PDCD6IP: variants seen among roughly 807,000 people sequenced by gnomAD.
PDCD6IP encodes the protein programmed cell death 6-interacting protein.
In PDCD6IP, 43 loss-of-function variants were observed where a neutral mutation model predicts 103.7. That is an observed-to-expected ratio of 0.41 (90% CI 0.32 to 0.53). PDCD6IP has a LOEUF of 0.53. PDCD6IP is among the 20% of genes least tolerant of loss of function. The pLI is 0.16. For synonymous variants in PDCD6IP, 354 were observed against 378.7 expected (o/e 0.93, Z 0.76); for missense variants, 871 against 1,036.7 (o/e 0.84, Z 2.20).
intron 1 of PDCD6IP, among the ~76,000 whole-genome samples, chr3:33,809,094 G>A (rs1030085996): frequency 3.3e-5 from 5 of 152,034 alleles, no homozygotes; most frequent in Non-Finnish European, 2.9e-5. Context: ...TATTTAAAAC[G>A]ACAACCTTCT....
intron 3 of PDCD6IP, among the ~76,000 whole-genome samples, chr3:33,816,529 G>C (rs1014437668): frequency 8.8e-6 from 1 of 113,492 alleles, no homozygotes; most frequent in Non-Finnish European, 1.8e-5. Flanking sequence ...AAAAAAAAAA[G>C]AAAATATCTC....
intron 12 of PDCD6IP, among the ~76,000 whole-genome samples, chr3:33,847,832 A>T (rs754088124): frequency 9.2e-5 from 14 of 152,306 alleles, no homozygotes; most frequent in Middle Eastern, 3.4e-3. Context: ...CCTGAAGTCC[A>T]GTCTATGGTT....
intron 3 of PDCD6IP, among the ~76,000 whole-genome samples, chr3:33,819,233 C>A (rs907921947): frequency 6.6e-5 from 10 of 151,862 alleles, no homozygotes; most frequent in Non-Finnish European, 2.9e-5. Context: ...CCTTCCTCCG[C>A]CCTTAAAACT....
At chr3:33,823,891 T>G (rs1161236369) in intron 4 of PDCD6IP, among the ~76,000 whole-genome samples, 1 of 152,242 alleles carries the variant, frequency 6.6e-6, no homozygotes, top group African/African-American at 2.4e-5. Flanking sequence ...AAGGTCATTC[T>G]GAATTATGAA....
chr3:33,851,538 C>CA (rs1180688424), intron 12 of PDCD6IP, among the ~76,000 whole-genome samples: 2 of 152,102 alleles, frequency 1.3e-5, no homozygotes, highest in African/African-American at 4.8e-5. Flanking sequence ...GTGGCATGAT[C>CA]ATGGCTCACT....
intron 1 of PDCD6IP, 166 bp downstream of exon 1, chr3:33,799,103 C>G: frequency 1.5e-6 from 1 of 682,780 alleles, no homozygotes; most frequent in Non-Finnish European, 2.4e-6. Flanking sequence ...GAGCAGGACC[C>G]GCCCTGCAGG....
intron 12 of PDCD6IP, among the ~76,000 whole-genome samples, chr3:33,849,654 A>G (rs1029229559): frequency 2.6e-5 from 4 of 152,220 alleles, no homozygotes; most frequent in Non-Finnish European, 5.9e-5. Context: ...TTATTTATAT[A>G]CTTTGATAAC....
Position 33,866,635 on chromosome 3 carries a change from C to A in PDCD6IP, c.*110C>A. 2.5e-6 allele frequency: 2 copies of A among 806,216 alleles called. No individual in the cohort carries two copies. The highest frequency in any genetic ancestry group is 3.7e-6 in the Non-Finnish European group (2 of 543,626). 49.9% of individuals were successfully genotyped at this position (806,216 alleles called of 1,614,324 possible). A position where few individuals can be genotyped will look rare whatever the true frequency, so the allele number is the denominator to read the frequency against. Reference sequence around the variant, plus strand: ...GGTTAATGTAATGTACTCTCCTGGACTGAATGCAGTGTATAATTTCTGTCT... The same window carrying A: ...GGTTAATGTAATGTACTCTCCTGGAATGAATGCAGTGTATAATTTCTGTCT... On this transcript the variant is annotated 3_prime_UTR_variant, in exon 18 of 18. Transcript: ENST00000307296.
intron 1 of PDCD6IP, among the ~76,000 whole-genome samples, chr3:33,802,392 A>G (rs983522320): frequency 2.0e-5 from 3 of 152,184 alleles, no homozygotes; most frequent in Non-Finnish European, 4.4e-5. Flanking sequence ...AATAGGATAG[A>G]CTGATAATGA....
Position 33,820,371 on chromosome 3 carries a change from T to A in PDCD6IP, c.335-1584T>A, listed in dbSNP as rs369826623. ...TTCTTTCAGTCTCTGAATTAAACTG[T>A]AGGTACCTCATACAAGTAGAGTCGT... On this transcript the variant is annotated intron_variant, in intron 3 of 17. Transcript: ENST00000307296. Among the ~76,000 whole-genome samples the A allele has an allele frequency of 1.2e-4, 18 of 152,278 alleles. No homozygotes were observed. The East Asian group carries it at 2.3e-3, about 20-fold the overall frequency.
In PDCD6IP at chr3:33,812,101, C is replaced by G; in HGVS notation, c.239C>G (p.Pro80Arg). ...RYYDQICSIEPKFPFSENQIC... is the reference protein window; with the variant it reads ...RYYDQICSIERKFPFSENQIC... ...TATGATCAGATTTGTTCTATTGAAC[C>G]CAAATTCCCATTTTCTGAAAATCAG... The change falls in exon 2 of 18, where the codon CCC becomes CGC. Residue 80 changes from proline (P) to arginine (R), a missense_variant. By Grantham distance (103) the Pro-to-Arg change is moderately radical. Around this residue, in one of 5 missense-constraint regions of PDCD6IP, gnomAD observed 114 missense variants for 106.7 expected, o/e 1.07. Transcript: ENST00000307296. 6.3e-7 allele frequency: 1 copy of G among 1,596,182 alleles called. No individual in the cohort carries two copies. Among genetic ancestry groups the G allele is most frequent in the Non-Finnish European group, 8.5e-7 (1 of 1,171,590 alleles).
rs559333586 is a variant in PDCD6IP, at chr3:33,853,320, G to T, written c.1891-559G>T. ...TGGTTCCAAGTTTTTAATAGCTTTG[G>T]TTTTTTTTCCATATGGGAGGAAAAT... On this transcript the variant is annotated intron_variant, in intron 13 of 17. Transcript: ENST00000307296. Among the ~76,000 whole-genome samples the T allele has an allele frequency of 2.6e-5, 4 of 151,856 alleles. No homozygotes were observed. In the East Asian group the frequency reaches 7.7e-4, roughly 29 times the overall value.
intron 1 of PDCD6IP, among the ~76,000 whole-genome samples, chr3:33,806,304 A>C (rs774259323): frequency 6.6e-6 from 1 of 152,074 alleles, no homozygotes; most frequent in Admixed American, 6.5e-5. Flanking sequence ...CACTTCATAT[A>C]CAGTACCATT....
At chr3:33,817,517 G>A (rs1192605497) in intron 3 of PDCD6IP, among the ~76,000 whole-genome samples, 2 of 152,118 alleles carry the variant, frequency 1.3e-5, no homozygotes, top group African/African-American at 4.8e-5. Flanking sequence ...ACTTGGGGAG[G>A]CCAAGACAGG....
At chr3:33,813,515 T>C in intron 2 of PDCD6IP, 44 bp from the exon 3 acceptor site, 2 of 1,178,196 alleles carry the variant, frequency 1.7e-6, no homozygotes, top group Non-Finnish European at 2.5e-6. Context: ...TTAATGAGAT[T>C]CAGGAAGGTT....
intron 3 of PDCD6IP, among the ~76,000 whole-genome samples, chr3:33,817,113 T>A (rs1350974860): frequency 6.6e-6 from 1 of 152,230 alleles, no homozygotes; most frequent in East Asian, 1.9e-4. Context: ...TGTAAAGTTA[T>A]ATCAATGGAA....
intron 15 of PDCD6IP, among the ~76,000 whole-genome samples, chr3:33,858,690 A>G (rs1293684972): frequency 6.6e-6 from 1 of 151,970 alleles, no homozygotes; most frequent in Non-Finnish European, 1.5e-5. Context: ...GGCGCCTGTA[A>G]TCCCAGCTAC....
intron 15 of PDCD6IP, among the ~76,000 whole-genome samples, chr3:33,862,242 G>GTT (rs553813937): frequency 3.1e-4 from 44 of 141,424 alleles, no homozygotes; most frequent in African/African-American, 1.1e-3. Flanking sequence ...AAGTAGTTTT[G>GTT]TTTTTTTTTT....
intron 8 of PDCD6IP, among the ~76,000 whole-genome samples, chr3:33,837,260 T>G (rs1697371087): frequency 6.6e-6 from 1 of 152,174 alleles, no homozygotes; most frequent in Non-Finnish European, 1.5e-5. Flanking sequence ...GGTATTTGTA[T>G]GAGATAAATA....
Sources: allele counts gnomAD v4.1 joint callset (sites outside exome capture counted in the v4.1 genomes callset), GRCh38; gene constraint gnomAD v4.1.1; regional missense constraint gnomAD v4.1.1; transcripts MANE v1.5; gene names NCBI Gene and HGNC (gene_info 2026-07-23, HGNC 2026-07-21).